The following ARHGAP26 variants were observed in gnomAD, a reference collection of about 807,000 sequenced individuals.
ARHGAP26 encodes rho GTPase-activating protein 26.
Under a neutral mutation model 104.8 loss-of-function variants are expected in ARHGAP26, and 38 were observed. The ratio of observed to expected loss-of-function variants is 0.36; its 90% CI spans 0.28 to 0.48. The LOEUF (loss-of-function observed/expected upper bound fraction) is 0.48. Among genes scored for constraint, ARHGAP26 ranks in the 20% least tolerant of loss-of-function variants. The probability of loss-of-function intolerance (pLI) is 0.99; values close to 1 mark genes in which losing one functional copy is unlikely to be tolerated. For missense variants in ARHGAP26, 704 were observed against 947.9 expected (o/e 0.74, Z 3.38); for synonymous variants, 341 against 340.0 (o/e 1.00, Z -0.03).
intron 17 of ARHGAP26, among the ~76,000 whole-genome samples, chr5:143,093,642 TTCTC>T (rs1271737600): frequency 4.0e-5 from 6 of 151,836 alleles, no homozygotes; most frequent in Non-Finnish European, 8.8e-5. Flanking sequence ...CTCTGCCTCT[TTCTC>T]TCTTTCTTTC....
intron 5 of ARHGAP26, among the ~76,000 whole-genome samples, chr5:142,887,790 C>T (rs1384857815): frequency 6.6e-6 from 1 of 152,052 alleles, no homozygotes; most frequent in Non-Finnish European, 1.5e-5. Flanking sequence ...CATGGTGAGA[C>T]CTCGTCTCTA....
intron 1 of ARHGAP26, among the ~76,000 whole-genome samples, chr5:142,869,415 T>C (rs1754929941): frequency 6.6e-6 from 1 of 151,994 alleles, no homozygotes; most frequent in African/African-American, 2.4e-5. Flanking sequence ...GAGATGAGGT[T>C]TCACTATGTT....
At chr5:142,797,774 A>G (rs1358900812) in intron 1 of ARHGAP26, among the ~76,000 whole-genome samples, 1 of 152,240 alleles carries the variant, frequency 6.6e-6, no homozygotes, top group South Asian at 2.1e-4. Context: ...CTTTGGTGGT[A>G]TGATTGATAA....
chr5:142,882,702 C>T (rs763076194), intron 4 of ARHGAP26, among the ~76,000 whole-genome samples: 4 of 152,210 alleles, frequency 2.6e-5, no homozygotes, highest in Non-Finnish European at 4.4e-5. Context: ...GAGCACTTTC[C>T]ATGTGGTAGG....
At chr5:143,197,716 C>T (rs889710011) in intron 20 of ARHGAP26, among the ~76,000 whole-genome samples, 3 of 152,128 alleles carry the variant, frequency 2.0e-5, no homozygotes, top group Admixed American at 6.5e-5. Flanking sequence ...TGTTTGGGAA[C>T]CTTCAGTTTC....
intron 1 of ARHGAP26, among the ~76,000 whole-genome samples, chr5:142,832,253 C>T (rs1484968373): frequency 1.3e-5 from 2 of 152,156 alleles, no homozygotes; most frequent in African/African-American, 2.4e-5. Context: ...CCCTAACTCC[C>T]AATATAACTA....
chr5:143,081,216 G>A (rs1465139176), intron 17 of ARHGAP26, among the ~76,000 whole-genome samples: 1 of 152,114 alleles, frequency 6.6e-6, no homozygotes, highest in Admixed American at 6.5e-5. Flanking sequence ...GCAGGTCTGT[G>A]GATAGAGGAG....
At chr5:143,057,863 C>A in intron 17 of ARHGAP26, 116 bp downstream of exon 17, 1 of 882,978 alleles carries the variant, frequency 1.1e-6, no homozygotes, top group Non-Finnish European at 1.9e-6. Flanking sequence ...ATCAGGTATG[C>A]TGGAGGCTTA....
chr5:143,068,228 A>G (rs552421912), intron 17 of ARHGAP26, among the ~76,000 whole-genome samples: 3 of 152,344 alleles, frequency 2.0e-5, no homozygotes, highest in East Asian at 1.9e-4. Context: ...CAATCACGTA[A>G]TGGAAAGTAG....
chr5:143,025,310 C>A (rs1157269099), intron 12 of ARHGAP26, among the ~76,000 whole-genome samples: 2 of 152,158 alleles, frequency 1.3e-5, no homozygotes, highest in African/African-American at 4.8e-5. Context: ...ATTCTGAATG[C>A]CCTCTCTTTC....
chr5:142,804,501 T>C (rs1012333858), intron 1 of ARHGAP26, among the ~76,000 whole-genome samples: 2 of 152,306 alleles, frequency 1.3e-5, no homozygotes, highest in Non-Finnish European at 2.9e-5. Flanking sequence ...TTTTTATTTT[T>C]ATTTTTTTGA....
chr5:142,798,257 G>A (rs768708629), intron 1 of ARHGAP26, among the ~76,000 whole-genome samples: 2 of 152,082 alleles, frequency 1.3e-5, no homozygotes, highest in African/African-American at 4.8e-5. Context: ...GCATCTTCCG[G>A]CAACAGGACC....
intron 11 of ARHGAP26, among the ~76,000 whole-genome samples, chr5:142,949,165 CAGAGAGAGAGAG>C (rs71276311): frequency 2.7e-5 from 1 of 37,354 alleles, no homozygotes; most frequent in Non-Finnish European, 4.9e-5. Context: ...GTTGAATTTC[CAGAGAGAGAGAG>C]AGAGAGAGAG....
At chr5:142,814,308 A>G (rs1764689583) in intron 1 of ARHGAP26, among the ~76,000 whole-genome samples, 1 of 152,250 alleles carries the variant, frequency 6.6e-6, no homozygotes, top group Non-Finnish European at 1.5e-5. Flanking sequence ...TGTGCTGTAA[A>G]CAGCGACTGC....
intron 12 of ARHGAP26, among the ~76,000 whole-genome samples, chr5:143,023,824 T>C (rs1780661851): frequency 6.6e-6 from 1 of 152,222 alleles, no homozygotes; most frequent in African/African-American, 2.4e-5. Context: ...TCTGAGCTGA[T>C]AGAGGACAGA....
intron 14 of ARHGAP26, among the ~76,000 whole-genome samples, chr5:143,044,495 A>G (rs926429485): frequency 2.1e-5 from 3 of 142,706 alleles, no homozygotes; most frequent in Non-Finnish European, 3.0e-5. Flanking sequence ...GGCCATTCAC[A>G]TGATTCGTTT....
intron 20 of ARHGAP26, among the ~76,000 whole-genome samples, chr5:143,191,699 G>A (rs777317667): frequency 9.2e-5 from 14 of 152,298 alleles, no homozygotes; most frequent in Non-Finnish European, 1.6e-4. Context: ...GAGTTTGGGC[G>A]CCACCACCCA....
intron 12 of ARHGAP26, among the ~76,000 whole-genome samples, chr5:143,022,498 T>A (rs1045932055): frequency 1.3e-5 from 2 of 152,182 alleles, no homozygotes; most frequent in African/African-American, 4.8e-5. Context: ...GTGAAAGCAG[T>A]CACAGACAAT....
intron 1 of ARHGAP26, among the ~76,000 whole-genome samples, chr5:142,777,716 G>A (rs1274694747): frequency 6.6e-6 from 1 of 152,178 alleles, no homozygotes; most frequent in Non-Finnish European, 1.5e-5. Context: ...TTGGATGGAG[G>A]TAACCAATGT....
Sources: gnomAD v4.1 joint callset for allele counts (sites outside exome capture counted in the v4.1 genomes callset) on GRCh38, gnomAD v4.1.1 for gene constraint, MANE v1.5 for transcripts, NCBI Gene and HGNC (gene_info 2026-07-23, HGNC 2026-07-21) for gene names.